NEO1: variants seen among roughly 807,000 people sequenced by gnomAD.
NEO1 encodes the protein neogenin 1.
NEO1 carries 63 observed loss-of-function variants against 159.7 expected under a neutral mutation model. The observed-to-expected ratio is 0.39, with a 90% confidence interval of 0.32 to 0.49. NEO1 has a LOEUF of 0.49. NEO1 is among the 20% of genes least tolerant of loss of function. The pLI, the probability that NEO1 is intolerant of heterozygous loss-of-function variation, is 0.85. For missense variants in NEO1, 1,615 were observed against 1,831.0 expected (o/e 0.88, Z 2.15); for synonymous variants, 633 against 662.0 (o/e 0.96, Z 0.67).
intron 15 of NEO1, among the ~76,000 whole-genome samples, chr15:73,264,718 A>G (rs1376645922): frequency 1.3e-5 from 2 of 152,196 alleles, no homozygotes; most frequent in African/African-American, 4.8e-5. Context: ...TCAGATCCAT[A>G]TAAACATCTG....
intron 23 of NEO1, among the ~76,000 whole-genome samples, chr15:73,286,283 G>T (rs2041945719): frequency 1.3e-5 from 2 of 152,176 alleles, no homozygotes; most frequent in Admixed American, 1.3e-4. Context: ...TAAAGCCAAA[G>T]AACATTTTTC....
chr15:73,196,726 C>A (rs936436976), intron 7 of NEO1, among the ~76,000 whole-genome samples: 2 of 152,178 alleles, frequency 1.3e-5, no homozygotes, highest in African/African-American at 4.8e-5. Context: ...TCAGAAGCAC[C>A]AACTTCAGTT....
intron 23 of NEO1, among the ~76,000 whole-genome samples, chr15:73,285,045 C>T (rs909375296): frequency 1.4e-4 from 21 of 152,168 alleles, no homozygotes; most frequent in African/African-American, 4.3e-4. Flanking sequence ...ATATTGGGAT[C>T]TTTATTTTTC....
At chr15:73,214,063 T>A (rs1015419123) in intron 7 of NEO1, among the ~76,000 whole-genome samples, 4 of 152,230 alleles carry the variant, frequency 2.6e-5, no homozygotes, top group African/African-American at 7.2e-5. Context: ...TTGTGTATCT[T>A]CATTTGAGAA....
chr15:73,290,460 T>C (rs1441841541), intron 25 of NEO1, among the ~76,000 whole-genome samples: 1 of 152,010 alleles, frequency 6.6e-6, no homozygotes, highest in African/African-American at 2.4e-5. Flanking sequence ...CTCAAACTCC[T>C]GACCTCAGAT....
chr15:73,127,900 A>G (rs2030514498), intron 4 of NEO1, among the ~76,000 whole-genome samples: 2 of 152,210 alleles, frequency 1.3e-5, no homozygotes, highest in South Asian at 4.1e-4. Flanking sequence ...ACTAGTGGCT[A>G]TTGACTTGGA....
At chr15:73,240,764 T>G (rs2039451290) in intron 8 of NEO1, among the ~76,000 whole-genome samples, 1 of 152,162 alleles carries the variant, frequency 6.6e-6, no homozygotes, top group African/African-American at 2.4e-5. Flanking sequence ...TAGGACAAAT[T>G]TGGGAAATAT....
At chr15:73,123,931 A>G (rs1313437562) in intron 3 of NEO1, among the ~76,000 whole-genome samples, 1 of 151,898 alleles carries the variant, frequency 6.6e-6, no homozygotes, top group Non-Finnish European at 1.5e-5. Context: ...TAGCCCTTCA[A>G]CTCATAAATG....
intron 7 of NEO1, among the ~76,000 whole-genome samples, chr15:73,206,579 A>G (rs547065963): frequency 6.6e-6 from 1 of 152,200 alleles, no homozygotes; most frequent in South Asian, 2.1e-4. Flanking sequence ...CTATCCAAAA[A>G]TAGTTTGTTT....
chr15:73,094,175 A>C (rs2069865618), intron 1 of NEO1, among the ~76,000 whole-genome samples: 1 of 152,140 alleles, frequency 6.6e-6, no homozygotes, highest in Non-Finnish European at 1.5e-5. Flanking sequence ...GCCGCAATCA[A>C]TTTTAGAACA....
Position 73,244,350 on chromosome 15 carries a change from T to C in NEO1, c.1458T>C (p.Arg486=), listed in dbSNP as rs3743488. 4.9e-4 allele frequency: 788 copies of C among 1,613,412 alleles called. 9 individuals carry two copies. The East Asian group carries it at 0.012, about 25-fold the overall frequency. Residue 486 remains arginine, a synonymous_variant, in exon 9 of 29, where the codon CGT becomes CGC. Transcript: ENST00000261908. ...FYTKEGIARE[R]VENTSHPGEM... ...CCAAATCCTTTGTCTAAAGGGAACG[T>C]GTTGAGAATACCAGTCACCCAGGAG...
rs569627420 is a variant in NEO1 at position 73,236,170 on chromosome 15, A to G, written c.1292-177A>G. ...GGCCTTTTTTATGTTCATTCATTTT[A>G]TTTTATTTCCCATCGTGGTTTTGTT... On this transcript the variant is annotated intron_variant, in intron 7 of 28. Transcript: ENST00000261908. 11 of 810,366 alleles carry G rather than the reference A, an allele frequency of 1.4e-5. No homozygotes were observed. The South Asian group carries it at 2.0e-4, about 15-fold the overall frequency. The allele number at this position is 810,366 out of a possible 1,614,324, so 50.2% of individuals were successfully genotyped here. A position where few individuals can be genotyped will look rare whatever the true frequency, so the allele number is the denominator to read the frequency against.
chr15:73,218,796 G>T lies in NEO1; in HGVS notation c.1292-17551G>T, dbSNP rs1206460368. Among the ~76,000 whole-genome samples the T allele has an allele frequency of 4.9e-4, 74 of 151,462 alleles. No homozygotes were observed. The South Asian group carries it at 0.015, about 31-fold the overall frequency. On this transcript the variant is annotated intron_variant, in intron 7 of 28. Transcript: ENST00000261908. Reference sequence around the variant, plus strand: ...TATCCCCTTTATCATTTTTTATTGTGTCTATTTGATTCTTCTCTCTTTTTT... The same window carrying T: ...TATCCCCTTTATCATTTTTTATTGTTTCTATTTGATTCTTCTCTCTTTTTT...
intron 23 of NEO1, among the ~76,000 whole-genome samples, chr15:73,285,599 T>A (rs2041912955): frequency 6.6e-6 from 1 of 152,172 alleles, no homozygotes; most frequent in Non-Finnish European, 1.5e-5. Context: ...ACTACTTTTC[T>A]TCCTACTTTT....
At chr15:73,274,316 A>G (rs2041305468) in intron 20 of NEO1, among the ~76,000 whole-genome samples, 1 of 152,220 alleles carries the variant, frequency 6.6e-6, no homozygotes. Context: ...TGGTTCCCAT[A>G]TAGAGAAAGA....
chr15:73,165,093 A>AT (rs67749428), intron 5 of NEO1, among the ~76,000 whole-genome samples: 40,867 of 129,088 alleles, frequency 0.32, 7,907 homozygotes, highest in Non-Finnish European at 0.43. Context: ...TGCCTGGCCA[A>AT]TTTTTTTTTT....
chr15:73,178,661 AG>A (rs2035419342), intron 7 of NEO1, among the ~76,000 whole-genome samples: 1 of 152,248 alleles, frequency 6.6e-6, no homozygotes, highest in African/African-American at 2.4e-5. Flanking sequence ...TGAATATTAT[AG>A]TCTTAATAAA....
intron 1 of NEO1, among the ~76,000 whole-genome samples, chr15:73,111,218 C>T (rs1302700308): frequency 6.6e-6 from 1 of 152,184 alleles, no homozygotes; most frequent in African/African-American, 2.4e-5. Flanking sequence ...ACACAAGCAT[C>T]TGTACATGTG....
chr15:73,116,976 CAG>C, intron 2 of NEO1, 119 bp downstream of exon 2: 1 of 793,756 alleles, frequency 1.3e-6, no homozygotes, highest in Non-Finnish European at 1.9e-6. Flanking sequence ...ACTCATTTAA[CAG>C]ATATCAATTG....
Sources: gnomAD v4.1 joint callset for allele counts (sites outside exome capture counted in the v4.1 genomes callset) on GRCh38, gnomAD v4.1.1 for gene constraint, MANE v1.5 for transcripts, NCBI Gene and HGNC (gene_info 2026-07-23, HGNC 2026-07-21) for gene names.